The following MACC1 variants were observed in gnomAD, a reference collection of about 807,000 sequenced individuals.
MACC1 encodes MET transcriptional regulator MACC1.
In MACC1, 79 loss-of-function variants were observed where a neutral mutation model predicts 70.7. The ratio of observed to expected loss-of-function variants is 1.12; its 90% CI spans 0.93 to 1.35. The LOEUF (loss-of-function observed/expected upper bound fraction) is 1.35, where lower values mean the gene tolerates loss of function less well. MACC1 is among the 40% of genes most tolerant of loss of function. MACC1 has a pLI of 0.00. For synonymous variants in MACC1, 361 were observed against 347.2 expected, an observed-to-expected ratio of 1.04 and a Z score of -0.44; for missense variants, 1,106 against 978.1, an observed-to-expected ratio of 1.13 and a Z score of -1.74.
chr7:20,214,280 T>A (rs751836472), intron 1 of MACC1, among the ~76,000 whole-genome samples: 1 of 152,094 alleles, frequency 6.6e-6, no homozygotes, highest in Non-Finnish European at 1.5e-5. Context: ...CAAAATCCCC[T>A]AGAATACCCT....
chr7:20,183,149 G>C (rs3094990), intron 1 of MACC1, among the ~76,000 whole-genome samples: 78,565 of 152,004 alleles, frequency 0.52, 22,918 homozygotes, highest in East Asian at 0.9. Context: ...CCGACTTAAT[G>C]AAGTAGGCCC....
intron 1 of MACC1, among the ~76,000 whole-genome samples, chr7:20,193,918 A>T (rs772801143): frequency 1.3e-5 from 2 of 151,966 alleles, no homozygotes; most frequent in Non-Finnish European, 2.9e-5. Flanking sequence ...TTAAGAAGCC[A>T]TGTTTAAAGA....
chr7:20,172,476 T>C (rs764685367), intron 1 of MACC1, among the ~76,000 whole-genome samples: 1 of 152,182 alleles, frequency 6.6e-6, no homozygotes, highest in Non-Finnish European at 1.5e-5. Flanking sequence ...TATATAAATA[T>C]ATATACGCAC....
rs1385149935 is a variant in MACC1 at position 20,135,821 on chromosome 7, C to T, written c.*5125G>A. 6.6e-6 allele frequency: 1 copy of T among 152,166 alleles called. No individual in the cohort carries two copies. Among genetic ancestry groups the T allele is most frequent in the Admixed American group, 6.5e-5 (1 of 15,268 alleles). The allele number at this position is 152,166 out of a possible 1,614,324, so 9.4% of individuals were successfully genotyped here. A position where few individuals can be genotyped will look rare whatever the true frequency, so the allele number is the denominator to read the frequency against. On this transcript the variant is annotated 3_prime_UTR_variant, in exon 7 of 7. Transcript: ENST00000400331. ...GCACCATACTGTAGTTTGTTTTAAA[C>T]AGCTGGAAGTCACCAATTGTTCAAA...
At chr7:20,157,835 C>A (rs760334606) in intron 5 of MACC1, among the ~76,000 whole-genome samples, 4 of 147,334 alleles carry the variant, frequency 2.7e-5, no homozygotes, top group Non-Finnish European at 4.5e-5. Flanking sequence ...AGATCCCTAA[C>A]AATGGCCAAG....
rs957633112 is a variant in MACC1 at position 20,159,799 on chromosome 7, G to T, written c.562C>A (p.Leu188Met). Reference sequence around the variant, plus strand: ...TTCAAATCAAGGCAGGAGCGGGCCAGCTGGCGTTGACTTAACCAAGCCATT... The same window carrying T: ...TTCAAATCAAGGCAGGAGCGGGCCATCTGGCGTTGACTTAACCAAGCCATT... Reference protein sequence around the residue: ...YKMAWLSQRQLARSCLDLNTI... With the variant: ...YKMAWLSQRQMARSCLDLNTI... The change falls in exon 5 of 7, where the codon CTG becomes ATG. Residue 188 changes from leucine (L) to methionine (M), a missense_variant. Physicochemically the swap from Leu to Met is conservative, Grantham distance 15 (BLOSUM62 2). Coordinates refer to ENST00000400331, the MANE Select transcript of MACC1 (RefSeq NM_182762.4). The T allele has an allele frequency of 1.1e-5, 18 of 1,614,022 alleles. No individual in the cohort carries two copies. The highest frequency in any genetic ancestry group is 1.5e-5 in the Non-Finnish European group (18 of 1,180,038).
intron 1 of MACC1, among the ~76,000 whole-genome samples, chr7:20,209,358 C>G (rs937015559): frequency 2.2e-4 from 33 of 152,332 alleles, no homozygotes; most frequent in African/African-American, 7.7e-4. Flanking sequence ...CTAGAGCTGC[C>G]CAAGGCCATA....
At chr7:20,199,834 T>G (rs925699034) in intron 1 of MACC1, among the ~76,000 whole-genome samples, 1 of 152,178 alleles carries the variant, frequency 6.6e-6, no homozygotes, top group African/African-American at 2.4e-5. Context: ...ACAGATATCT[T>G]AAAAATAAAT....
At chr7:20,147,411 T>C (rs912831582) in intron 6 of MACC1, 1 of 152,228 alleles carries the variant, frequency 6.6e-6, no homozygotes, top group Admixed American at 6.5e-5. Flanking sequence ...CACTTACTTC[T>C]CCTATAAACT....
intron 1 of MACC1, among the ~76,000 whole-genome samples, chr7:20,199,631 A>G (rs1024954929): frequency 5.3e-5 from 8 of 152,258 alleles, no homozygotes; most frequent in East Asian, 1.9e-4. Flanking sequence ...AAGTCTTCAA[A>G]TGAAACAGGA....
At chr7:20,168,617 G>A (rs1369782879) in intron 2 of MACC1, among the ~76,000 whole-genome samples, 1 of 152,204 alleles carries the variant, frequency 6.6e-6, no homozygotes, top group Non-Finnish European at 1.5e-5. Context: ...CTTTAATGGA[G>A]CTCTTTCTTA....
intron 6 of MACC1, among the ~76,000 whole-genome samples, chr7:20,145,143 A>AT (rs1781870438): frequency 6.6e-6 from 1 of 152,082 alleles, no homozygotes. Flanking sequence ...ATAAGTTTAG[A>AT]TTTTTTCCCT....
rs1210341241 is a variant in MACC1, at chr7:20,137,973, T to C, written c.*2973A>G. ...TTCCAGACCAGTCTGGCCAAAATGG[T>C]AAAACCTTGTCTCCACTAAAAATAC... On this transcript the variant is annotated 3_prime_UTR_variant, in exon 7 of 7. Transcript: ENST00000400331. 1.3e-5 allele frequency: 2 copies of C among 151,776 alleles called. No homozygotes were observed. Among genetic ancestry groups the C allele is most frequent in the African/African-American group, 4.8e-5 (2 of 41,314 alleles). The allele number at this position is 151,776 out of a possible 1,614,324, so 9.4% of individuals were successfully genotyped here.
At chr7:20,156,913 C>A (rs1782062516) in intron 5 of MACC1, among the ~76,000 whole-genome samples, 1 of 152,164 alleles carries the variant, frequency 6.6e-6, no homozygotes, top group Non-Finnish European at 1.5e-5. Context: ...CTACAGAGCA[C>A]CAGCCTTTCA....
intron 1 of MACC1, among the ~76,000 whole-genome samples, chr7:20,211,786 C>T (rs1325266048): frequency 6.6e-6 from 1 of 152,160 alleles, no homozygotes; most frequent in East Asian, 1.9e-4. Context: ...GTAATTCTTT[C>T]ATTTGGACAC....
chr7:20,187,938 T>C (rs909723016), intron 1 of MACC1, among the ~76,000 whole-genome samples: 2 of 152,094 alleles, frequency 1.3e-5, no homozygotes, highest in African/African-American at 2.4e-5. Context: ...GGGTAATTTA[T>C]AAAGGAAAGA....
intron 1 of MACC1, among the ~76,000 whole-genome samples, chr7:20,202,140 T>C (rs1782843095): frequency 6.6e-6 from 1 of 152,230 alleles, no homozygotes; most frequent in Non-Finnish European, 1.5e-5. Context: ...CAGTGAATAG[T>C]TTCTTCGACA....
Position 20,161,748 on chromosome 7 carries a change from C to T in MACC1, c.115G>A (p.Glu39Lys), listed in dbSNP as rs1782141522. The T allele has an allele frequency of 1.9e-6, 3 of 1,587,294 alleles. No homozygotes were observed. Among genetic ancestry groups the T allele is most frequent in the East Asian group, 2.2e-5 (1 of 44,546 alleles). ...TCACAACAGTTATAAATTCCCATAC[C>T]TGTAATATTGCAACTTTTTGAGAGT... is the stretch of plus-strand genomic sequence containing the variant. ...GKLSKSCNIT[E>K]CQDPDLLHNW... The change falls in exon 4 of 7, where the codon GAA becomes AAA. Residue 39 changes from glutamate to lysine, a missense_variant and splice_region_variant. Physicochemically the swap from Glu to Lys is moderately conservative, Grantham distance 56. Transcript: ENST00000400331.
At chr7:20,142,292 T>C (rs1562579038) in intron 6 of MACC1, among the ~76,000 whole-genome samples, 1 of 152,132 alleles carries the variant, frequency 6.6e-6, no homozygotes, top group Admixed American at 6.6e-5. Flanking sequence ...AAATAGGGAG[T>C]TCCATTATGT....
Sources: gnomAD v4.1 joint callset for allele counts (sites outside exome capture counted in the v4.1 genomes callset) on GRCh38, gnomAD v4.1.1 for gene constraint, MANE v1.5 for transcripts, NCBI Gene and HGNC (gene_info 2026-07-23, HGNC 2026-07-21) for gene names.